The following ROS1 variants were observed in gnomAD, a reference collection of about 807,000 sequenced individuals.
ROS1 encodes proto-oncogene tyrosine-protein kinase ROS.
ROS1 carries 263 observed loss-of-function variants against 273.5 expected under a neutral mutation model. The ratio of observed to expected loss-of-function variants is 0.96; its 90% CI spans 0.87 to 1.06. The LOEUF (loss-of-function observed/expected upper bound fraction) is 1.06. Among genes scored for constraint, ROS1 ranks in the 50% least tolerant of loss-of-function variants. The pLI is 0.00. For missense variants in ROS1, 2,833 were observed against 2,751.1 expected (o/e 1.03, Z -0.67); for synonymous variants, 1,008 against 954.1 (o/e 1.06, Z -1.04).
chr6:117,311,304 G>A (rs191629132), intron 39 of ROS1, among the ~76,000 whole-genome samples, 187 bp from the exon 40 acceptor site: 102 of 152,114 alleles, frequency 6.7e-4, no homozygotes, highest in Admixed American at 6.5e-3. Context: ...TGTTTCCTAC[G>A]CAAATATACA....
chr6:117,377,145 T>C (rs1582787051), intron 18 of ROS1, among the ~76,000 whole-genome samples: 1 of 152,254 alleles, frequency 6.6e-6, no homozygotes, highest in East Asian at 1.9e-4. Context: ...AGTTTCACTC[T>C]TGTTGCCCAG....
intron 10 of ROS1, 45 bp downstream of exon 10, chr6:117,394,558 TACTTCTTTTAGAA>T (rs1773338969): frequency 7.1e-7 from 1 of 1,415,038 alleles, no homozygotes; most frequent in South Asian, 1.8e-5. Context: ...ATTCTAGAAG[TACTTCTTTTAGAA>T]TCTTCTTTTC....
intron 3 of ROS1, 40 bp from the exon 4 acceptor site, chr6:117,414,585 G>T: frequency 2.8e-6 from 2 of 720,112 alleles, no homozygotes; most frequent in Non-Finnish European, 5.0e-6. Flanking sequence ...AATCTTGAAA[G>T]TTGTAAATAA....
rs138034064 is a variant in ROS1, at chr6:117,357,813, G to T, written c.3830C>A (p.Pro1277His). The change falls in exon 25 of 44, where the codon CCT (proline) becomes CAT (histidine). Residue 1277 changes from proline to histidine, a missense_variant. Coordinates refer to ENST00000368507, the MANE Select transcript of ROS1 (RefSeq NM_001378902.1). ...ACTTGCATTTACATACCTTAAAAGA[G>T]GATATACAGAAAAAGAAATTATTGT... ...NSTIISFSVY[P>H]LLSRLYWTEV... 2 of 1,594,032 alleles carry T rather than the reference G, an allele frequency of 1.3e-6. No individual in the cohort carries two copies. The highest frequency in any genetic ancestry group is 1.7e-6 in the Non-Finnish European group (2 of 1,163,430).
At chr6:117,390,477 A>G (rs17570767) in intron 12 of ROS1, among the ~76,000 whole-genome samples, 5,620 of 152,286 alleles carry the variant, frequency 0.037, 168 homozygotes, top group Non-Finnish European at 0.054. Context: ...TAGAAATCAC[A>G]TGGCTAAATA....
chr6:117,373,363 G>A (rs905208834), intron 18 of ROS1, among the ~76,000 whole-genome samples: 6 of 152,222 alleles, frequency 3.9e-5, no homozygotes, highest in East Asian at 1.9e-4. Context: ...AGGGAGGCTC[G>A]GGCTGCGCGG....
chr6:117,402,989 G>T, intron 7 of ROS1, 150 bp downstream of exon 7: 1 of 780,882 alleles, frequency 1.3e-6, no homozygotes, highest in Non-Finnish European at 2.1e-6. Flanking sequence ...TGAGTACCTA[G>T]AATACTACCT....
intron 43 of ROS1, among the ~76,000 whole-genome samples, chr6:117,290,433 C>T (rs1169661868): frequency 1.3e-5 from 2 of 152,150 alleles, no homozygotes; most frequent in Non-Finnish European, 2.9e-5. Flanking sequence ...TATTTGTTTG[C>T]TTTTGTTTAA....
In ROS1 at chr6:117,393,204, T is replaced by G. The variant is rs1174331267; in HGVS notation, c.1289+20A>C. On this transcript the variant is annotated intron_variant, in intron 12 of 43. Coordinates refer to ENST00000368507, the MANE Select transcript of ROS1 (RefSeq NM_001378902.1). ...TATTCCCAATGGAAGAGAATTCATCTTTACAAGGCTAACACATACCCATTG... is the reference window on the plus strand; with the variant it reads ...TATTCCCAATGGAAGAGAATTCATCGTTACAAGGCTAACACATACCCATTG... The G allele has an allele frequency of 3.7e-6, 5 of 1,360,164 alleles. No homozygotes were observed. In the African/African-American group the frequency reaches 7.2e-5, roughly 19 times the overall value. The allele number at this position is 1,360,164 out of a possible 1,614,324, so 84.3% of individuals were successfully genotyped here.
chr6:117,318,183 G>T lies in ROS1; in HGVS notation c.5987+5C>A. The T allele has an allele frequency of 1.9e-6, 3 of 1,610,592 alleles. No individual in the cohort carries two copies. The highest frequency in any genetic ancestry group is 2.5e-6 in the Non-Finnish European group (3 of 1,177,354). On this transcript the variant is annotated splice_donor_5th_base_variant and intron_variant, in intron 38 of 43. Coordinates refer to ENST00000368507, the MANE Select transcript of ROS1 (RefSeq NM_001378902.1). ...CATACCAGGAGAAAATTATTTCAGA[G>T]CTACCTCATCAGATGTGCCTCCTTC...
At chr6:117,391,690 A>G (rs778959803) in intron 12 of ROS1, among the ~76,000 whole-genome samples, 97 of 152,164 alleles carry the variant, frequency 6.4e-4, no homozygotes, top group African/African-American at 2.2e-3. Flanking sequence ...GTATAGAGAG[A>G]TGGTTAGAAG....
At chr6:117,386,369 A>G (rs1473422864) in intron 15 of ROS1, among the ~76,000 whole-genome samples, 1 of 152,252 alleles carries the variant, frequency 6.6e-6, no homozygotes, top group African/African-American at 2.4e-5. Context: ...TAACTATGGA[A>G]GATGTCATCT....
Position 117,389,808 on chromosome 6 carries a change from G to C in ROS1, c.1328C>G (p.Ala443Gly). Residue 443 changes from alanine to glycine, a missense_variant, in exon 13 of 44, where the codon GCA becomes GGA. Coordinates refer to ENST00000368507, the MANE Select transcript of ROS1 (RefSeq NM_001378902.1). ...CCGGCCAGATGGTACAGGAAGGTCTGCTCTATAAATGCCATCTCTCAGGAG... is the reference window on the plus strand; with the variant it reads ...CCGGCCAGATGGTACAGGAAGGTCTCCTCTATAAATGCCATCTCTCAGGAG... Reference protein sequence around the residue: ...FYLLRDGIYRADLPVPSGRCA... With the variant: ...FYLLRDGIYRGDLPVPSGRCA... 1 of 1,612,678 alleles carries C rather than the reference G, an allele frequency of 6.2e-7. No individual in the cohort carries two copies. Among genetic ancestry groups the C allele is most frequent in the Non-Finnish European group, 8.5e-7 (1 of 1,178,810 alleles).
At position 117,341,409 on chromosome 6, in the gene ROS1, A is replaced by G. The variant is rs1175800125; in HGVS notation, c.4875T>C (p.Tyr1625=). ...LVTRLSGGNI[Y]VLKVLACHSE... ...AGTAAACTCACTGTACCTTTAACACATAAATATTTCCACCAGACAGTCTAG... is the reference window on the plus strand; with the variant it reads ...AGTAAACTCACTGTACCTTTAACACGTAAATATTTCCACCAGACAGTCTAG... Residue 1625 remains tyrosine, a synonymous_variant, in exon 30 of 44, where the codon TAT becomes TAC. Coordinates refer to ENST00000368507, the MANE Select transcript of ROS1 (RefSeq NM_001378902.1). 5.0e-6 allele frequency: 8 copies of G among 1,613,378 alleles called. No individual in the cohort carries two copies. Among genetic ancestry groups the G allele is most frequent in the Non-Finnish European group, 5.9e-6 (7 of 1,179,494 alleles).
intron 18 of ROS1, among the ~76,000 whole-genome samples, chr6:117,367,875 G>C (rs903804521): frequency 6.6e-6 from 1 of 151,980 alleles, no homozygotes; most frequent in Non-Finnish European, 1.5e-5. Context: ...GAACAGCCAG[G>C]CATAACAAGA....
At chr6:117,363,548 C>A (rs1779972517) in intron 21 of ROS1, among the ~76,000 whole-genome samples, 1 of 152,148 alleles carries the variant, frequency 6.6e-6, no homozygotes, top group South Asian at 2.1e-4. Context: ...CATTCCCTCC[C>A]TCATTCCAAT....
At chr6:117,327,729 A>G (rs1582632710) in intron 33 of ROS1, among the ~76,000 whole-genome samples, 1 of 152,242 alleles carries the variant, frequency 6.6e-6, no homozygotes, top group Admixed American at 6.5e-5. Flanking sequence ...AGAATATTTT[A>G]ATGTGACCTT....
Position 117,397,243 on chromosome 6 carries a change from C to G in ROS1, c.605-127G>C, listed in dbSNP as rs549978386. On this transcript the variant is annotated intron_variant, in intron 7 of 43. Transcript: ENST00000368507. ...TGGAAACGAAATAATTTTATTAATA[C>G]TCAAAATATGTGATAGAGGAAAGGT... 40 of 652,624 alleles carry G rather than the reference C, an allele frequency of 6.1e-5. 1 individual carries two copies. The South Asian group carries it at 7.7e-4, about 13-fold the overall frequency. The allele number at this position is 652,624 out of a possible 1,614,324, so 40.4% of individuals were successfully genotyped here.
chr6:117,289,276 A>G (rs1278740722), intron 43 of ROS1, among the ~76,000 whole-genome samples: 1 of 152,236 alleles, frequency 6.6e-6, no homozygotes, highest in African/African-American at 2.4e-5. Flanking sequence ...TGCTAAATTA[A>G]TTGCTTAATG....
Sources: allele counts gnomAD v4.1 joint callset (sites outside exome capture counted in the v4.1 genomes callset), GRCh38; gene constraint gnomAD v4.1.1; transcripts MANE v1.5; gene names NCBI Gene and HGNC (gene_info 2026-07-23, HGNC 2026-07-21).